CEP131: variants seen among roughly 807,000 people sequenced by gnomAD.
The protein encoded by CEP131 is centrosomal protein 131.
A neutral mutation model predicts 136.8 loss-of-function variants in CEP131; 99 were observed. The observed-to-expected ratio is 0.72, with a 90% CI of 0.62 to 0.86. The LOEUF (loss-of-function observed/expected upper bound fraction) is 0.86, where lower values mean the gene tolerates loss of function less well. Ranked by LOEUF, CEP131 falls within the 40% of genes least tolerant of loss-of-function variation. CEP131 has a pLI of 0.00. For missense variants in CEP131, 1,459 were observed against 1,463.0 expected (o/e 1.00, Z 0.04); for synonymous variants, 646 against 612.7 (o/e 1.05, Z -0.80).
intron 2 of CEP131, among the ~76,000 whole-genome samples, chr17:81,217,071 GCA>G (rs2062263011): frequency 6.6e-6 from 1 of 152,176 alleles, no homozygotes; most frequent in Non-Finnish European, 1.5e-5. Context: ...TGACACATAT[GCA>G]CAGTGATGTC....
chr17:81,202,100 CAAA>C, intron 7 of CEP131, 137 bp downstream of exon 7: 16 of 392,620 alleles, frequency 4.1e-5, no homozygotes, highest in South Asian at 1.4e-4. Flanking sequence ...GACTCTGTCT[CAAA>C]AAAAAAAAAA....
At chr17:81,194,779 A>T in intron 17 of CEP131, 91 bp downstream of exon 17, 1 of 1,069,126 alleles carries the variant, frequency 9.4e-7, no homozygotes, top group Non-Finnish European at 1.5e-6. Context: ...CTCGGACTAC[A>T]TGAATGCCTG....
rs2061671189 is a variant in CEP131, at chr17:81,192,752, C to A, written c.2413G>T (p.Gly805Cys). The A allele has an allele frequency of 3.2e-6, 5 of 1,586,332 alleles. No individual in the cohort carries two copies. Among genetic ancestry groups the A allele is most frequent in the Non-Finnish European group, 4.3e-6 (5 of 1,169,480 alleles). ...SEVAEERERL[G>C]QQAARQRAEL... Reference sequence around the variant, plus strand: ...GGGCGGCACCTGGCTGCCTGCTGGCCCAGCCGCTCCCTCTCCTCAGCCACC... The same window carrying A: ...GGGCGGCACCTGGCTGCCTGCTGGCACAGCCGCTCCCTCTCCTCAGCCACC... The change falls in exon 19 of 26, where the codon GGC becomes TGC. Residue 805 changes from glycine (G) to cysteine (C), a missense_variant. Physicochemically the swap from Gly to Cys is radical, Grantham distance 159. Around this residue, in one of 3 missense-constraint regions of CEP131, gnomAD observed 1,026 missense variants for 964.2 expected, o/e 1.06. Coordinates refer to ENST00000450824, the MANE Select transcript of CEP131 (RefSeq NM_014984.4).
intron 21 of CEP131, 51 bp from the exon 22 acceptor site, chr17:81,191,386 G>T: frequency 6.2e-7 from 1 of 1,603,030 alleles, no homozygotes; most frequent in Non-Finnish European, 8.5e-7. Context: ...CGGCCCGCGG[G>T]GCCAGGGCCA....
Position 81,196,989 on chromosome 17 carries a change from G to A in CEP131, c.1714C>T (p.Arg572Trp), listed in dbSNP as rs201201809. ...LGSEVSTSVM[R>W]LKLEVEEKKQ... ...TTCTCCTCCACCTCCAGCTTCAGCC[G>A]CATCACAGACGTGCTCACCTCGGAC... The change falls in exon 14 of 26, where the codon CGG becomes TGG. Residue 572 changes from arginine to tryptophan, a missense_variant. Arg to Trp is a moderately radical substitution (Grantham distance 101, BLOSUM62 -3). Transcript: ENST00000450824. 323 of 1,604,058 alleles carry A rather than the reference G, an allele frequency of 2.0e-4. 1 individual carries two copies. The highest frequency in any genetic ancestry group is 1.3e-3 in the East Asian group (58 of 44,532).
In CEP131 at chr17:81,203,481, CAGA is replaced by C; in HGVS notation, c.629+10_629+12del. 1.3e-6 allele frequency: 2 copies of C among 1,585,052 alleles called. No homozygotes were observed. Among genetic ancestry groups the C allele is most frequent in the East Asian group, 2.3e-5 (1 of 43,776 alleles). ...GGACCCCGCAGCCCCGCGGCCTCCC[CAGA>C]AGACCTTACTTGAGGGAGGGGGCAG... is the stretch of plus-strand genomic sequence containing the variant. On this transcript the variant is annotated intron_variant, in intron 6 of 25. Coordinates refer to ENST00000450824, the MANE Select transcript of CEP131 (RefSeq NM_014984.4). The surrounding 1 kb of genome is among the most constrained non-coding windows in gnomAD (Gnocchi z 4.6).
chr17:81,194,969 T>C lies in CEP131; in HGVS notation c.2020A>G (p.Ile674Val). 1.2e-6 allele frequency: 2 copies of C among 1,609,670 alleles called. No homozygotes were observed. The highest frequency in any genetic ancestry group is 1.7e-6 in the Non-Finnish European group (2 of 1,179,426). ...AQAQAQHELE[I>V]KKLKELMSAT... is the part of the protein sequence containing the mutation. ...CTCATTAATTCTTTGAGTTTTTTAA[T>C]CTCCTACGAGCAGAACAGGGCAGGA... The change falls in exon 17 of 26, where the codon ATT (isoleucine) becomes GTT (valine). Residue 674 changes from isoleucine (I) to valine (V), a missense_variant. Transcript: ENST00000450824.
chr17:81,221,913 G>C (rs575499212), intron 1 of CEP131, among the ~76,000 whole-genome samples: 1 of 152,160 alleles, frequency 6.6e-6, no homozygotes, highest in Admixed American at 6.5e-5. Context: ...CCTTCAGCCC[G>C]GCACCCCACA....
At position 81,218,447 on chromosome 17, in the gene CEP131, C is replaced by T. The variant is rs559782313; in HGVS notation, c.177+1433G>A. 3.2e-4 allele frequency among the ~76,000 whole-genome samples: 49 copies of T among 152,356 alleles called. 1 individual carries two copies. Among genetic ancestry groups the T allele is most frequent in the Non-Finnish European group, 5.0e-4 (34 of 68,034 alleles). On this transcript the variant is annotated intron_variant, in intron 2 of 25. Coordinates refer to ENST00000450824, the MANE Select transcript of CEP131 (RefSeq NM_014984.4). ...GGCAGGTGGGCGAGGGGGTCAGTGA[C>T]GCAGGAGCAGGGCTGCGGACAGGAG...
At chr17:81,206,365 C>T (rs1211784226) in intron 5 of CEP131, among the ~76,000 whole-genome samples, 1 of 152,186 alleles carries the variant, frequency 6.6e-6, no homozygotes, top group East Asian at 1.9e-4. Flanking sequence ...GAGGCCTAGC[C>T]CAAGGAGCCC....
At chr17:81,200,620 C>T (rs2061870470) in intron 7 of CEP131, among the ~76,000 whole-genome samples, 174 bp from the exon 8 acceptor site, 1 of 152,222 alleles carries the variant, frequency 6.6e-6, no homozygotes, top group Non-Finnish European at 1.5e-5. Flanking sequence ...GCAGGACCAG[C>T]CGCCTGGACC....
intron 10 of CEP131, 107 bp from the exon 11 acceptor site, chr17:81,199,078 C>T (rs988565929): frequency 6.1e-6 from 7 of 1,153,834 alleles, no homozygotes; most frequent in East Asian, 2.6e-5. Context: ...CGGAGGCGAC[C>T]CCAGAAGCAG....
rs1198981473 is a variant in CEP131 at position 81,192,564 on chromosome 17, T to C, written c.2459A>G (p.Gln820Arg). 3.7e-6 allele frequency: 6 copies of C among 1,609,132 alleles called. No individual in the cohort carries two copies. The Admixed American group carries it at 5.0e-5, about 13-fold the overall frequency. ...TGCAGAGCTGCTCTCCTCCAGCTGC[T>C]GCCTCAGCTCTTCCAGCTCCGCCCG... ...RQRAELEELR[Q>R]QLEESSSALT... is the part of the protein sequence containing the mutation. The change falls in exon 20 of 26, where the codon CAG becomes CGG. Residue 820 changes from glutamine (Q) to arginine (R), a missense_variant. Coordinates refer to ENST00000450824, the MANE Select transcript of CEP131 (RefSeq NM_014984.4).
In CEP131 at chr17:81,193,866, G is replaced by C. The variant is rs536583029; in HGVS notation, c.2321+60C>G. On this transcript the variant is annotated intron_variant, in intron 18 of 25. Coordinates refer to ENST00000450824, the MANE Select transcript of CEP131 (RefSeq NM_014984.4). The stretch of plus-strand genomic sequence containing the variant: ...ACATGGGAACTCCACTCCAGCCTTC[G>C]AGGATTCCGACTCCCCGCCCTGAGG... 10 of 1,504,554 alleles carry C rather than the reference G, an allele frequency of 6.6e-6. No homozygotes were observed. The Admixed American group carries it at 1.9e-4, about 28-fold the overall frequency. The allele number at this position is 1,504,554 out of a possible 1,614,324, so 93.2% of individuals were successfully genotyped here.
rs1341170050 is a variant in CEP131 at position 81,203,874 on chromosome 17, C to CG, written c.516-268dup. ...GCATGAACGCTGGACGTGCCCAAGACGGGGGGAGCAGCTCAGGCCAGCAGC... is the reference window on the plus strand; with the variant it reads ...GCATGAACGCTGGACGTGCCCAAGACGGGGGGGAGCAGCTCAGGCCAGCAGC... On this transcript the variant is annotated intron_variant, in intron 5 of 25. Coordinates refer to ENST00000450824, the MANE Select transcript of CEP131 (RefSeq NM_014984.4). This position sits in a 1 kb window ranked among gnomAD's most constrained non-coding sequence, Gnocchi z 4.6. 4.5e-6 allele frequency: 2 copies of CG among 442,382 alleles called. No homozygotes were observed. Among genetic ancestry groups the CG allele is most frequent in the Non-Finnish European group, 8.2e-6 (2 of 243,510 alleles). 27.4% of individuals were successfully genotyped at this position (442,382 alleles called of 1,614,324 possible).
rs1172554588 is a variant in CEP131 at position 81,219,305 on chromosome 17, T to TC, written c.177+574_177+575insG. On this transcript the variant is annotated intron_variant, in intron 2 of 25. Coordinates refer to ENST00000450824, the MANE Select transcript of CEP131 (RefSeq NM_014984.4). The surrounding 1 kb of genome is among the most constrained non-coding windows in gnomAD (Gnocchi z 4.0). The stretch of plus-strand genomic sequence containing the variant: ...TCAACCCCATTTCTTTCTTTTTTTT[T>TC]TTTTTTTGAGATGGCATCTCACTCT... Among the ~76,000 whole-genome samples the TC allele has an allele frequency of 3.3e-5, 5 of 149,882 alleles. No individual in the cohort carries two copies. Among genetic ancestry groups the TC allele is most frequent in the Non-Finnish European group, 7.4e-5 (5 of 67,228 alleles).
intron 23 of CEP131, 38 bp from the exon 24 acceptor site, chr17:81,190,840 G>A (rs760025603): frequency 1.2e-5 from 19 of 1,589,844 alleles, no homozygotes; most frequent in East Asian, 1.1e-4. Flanking sequence ...GGCTGCCAGC[G>A]ACTGGCTGCG....
Position 81,191,387 on chromosome 17 carries a change from G to C in CEP131, c.2623-52C>G, listed in dbSNP as rs756297579. 6 of 1,598,494 alleles carry C rather than the reference G, an allele frequency of 3.8e-6. No individual in the cohort carries two copies. The African/African-American group carries it at 5.4e-5, about 14-fold the overall frequency. On this transcript the variant is annotated intron_variant, in intron 21 of 25. Transcript: ENST00000450824. ...TTGCCACCCGGAGCCGGCCCGCGGG[G>C]CCAGGGCCAGCCTCAGGGGGTCCTG...
intron 2 of CEP131, among the ~76,000 whole-genome samples, chr17:81,218,286 A>C (rs937211992): frequency 6.6e-6 from 1 of 151,758 alleles, no homozygotes; most frequent in Non-Finnish European, 1.5e-5. Flanking sequence ...CAGGTGATCC[A>C]CCCGCCTCAA....
Sources: allele counts gnomAD v4.1 joint callset (sites outside exome capture counted in the v4.1 genomes callset), GRCh38; gene constraint gnomAD v4.1.1; regional missense constraint gnomAD v4.1.1; non-coding constraint Gnocchi (gnomAD v3.1); transcripts MANE v1.5; gene names NCBI Gene and HGNC (gene_info 2026-07-23, HGNC 2026-07-21).